The following CADM2 variants were observed in gnomAD, a reference collection of about 807,000 sequenced individuals.
The protein encoded by CADM2 is immunoglobulin superfamily member 4D.
Under a neutral mutation model 49.8 loss-of-function variants are expected in CADM2, and 12 were observed. That is an observed-to-expected ratio of 0.24 (90% CI 0.15 to 0.39). The LOEUF is 0.39. Ranked by LOEUF, CADM2 falls within the 10% of genes least tolerant of loss-of-function variation. CADM2 has a pLI of 1.00. For synonymous variants in CADM2, 214 were observed against 175.4 expected (o/e 1.22, Z -1.74); for missense variants, 378 against 492.3 (o/e 0.77, Z 2.20).
chr3:84,973,096 A>T (rs990876000), intron 1 of CADM2, among the ~76,000 whole-genome samples: 1 of 152,126 alleles, frequency 6.6e-6, no homozygotes, highest in African/African-American at 2.4e-5. Flanking sequence ...TATTTTTAGT[A>T]GAGACAGCAT....
At chr3:85,605,592 G>A (rs1483300203) in intron 1 of CADM2, among the ~76,000 whole-genome samples, 3 of 152,030 alleles carry the variant, frequency 2.0e-5, no homozygotes, top group Non-Finnish European at 4.4e-5. Flanking sequence ...CTATGTTCCT[G>A]TGCTGCCTCC....
At position 86,066,929 on chromosome 3, in the gene CADM2, A is replaced by G. The variant is rs1739402494; in HGVS notation, c.*146A>G. ...CTATCAGTAGCCAGTGTATACCAAC[A>G]ATCAGCTGTTGAAAGCATCATTCTT... On this transcript the variant is annotated 3_prime_UTR_variant, in exon 10 of 10. Coordinates refer to ENST00000383699, the MANE Select transcript of CADM2 (RefSeq NM_001167675.2). 1.5e-6 allele frequency: 1 copy of G among 650,838 alleles called. No individual in the cohort carries two copies. The highest frequency in any genetic ancestry group is 2.6e-5 in the East Asian group (1 of 38,812). 40.3% of individuals were successfully genotyped at this position (650,838 alleles called of 1,614,324 possible).
At chr3:85,544,675 G>A (rs924037822) in intron 1 of CADM2, among the ~76,000 whole-genome samples, 14 of 152,292 alleles carry the variant, frequency 9.2e-5, no homozygotes, top group Non-Finnish European at 1.9e-4. Flanking sequence ...CATCAAAGAA[G>A]ATGCAACGAA....
intron 1 of CADM2, among the ~76,000 whole-genome samples, chr3:85,214,691 C>T (rs911816486): frequency 7.2e-5 from 11 of 151,976 alleles, no homozygotes; most frequent in Non-Finnish European, 1.3e-4. Context: ...CCCACTCTTC[C>T]CTCACCTTTC....
chr3:85,963,148 ATCTC>A (rs1188096126), intron 8 of CADM2, among the ~76,000 whole-genome samples: 5 of 151,960 alleles, frequency 3.3e-5, no homozygotes, highest in African/African-American at 1.2e-4. Flanking sequence ...ATTGTATAAA[ATCTC>A]TCAGTACTTA....
intron 1 of CADM2, among the ~76,000 whole-genome samples, chr3:85,286,200 C>T (rs931126585): frequency 1.3e-5 from 2 of 152,106 alleles, no homozygotes; most frequent in East Asian, 3.9e-4. Context: ...GGGACCGGAG[C>T]TGATCTAGCT....
At chr3:85,653,214 T>C (rs920960557) in intron 1 of CADM2, among the ~76,000 whole-genome samples, 27 of 150,794 alleles carry the variant, frequency 1.8e-4, no homozygotes, top group African/African-American at 6.1e-4. Context: ...AATATTAGGA[T>C]AATTACATAA....
At chr3:85,063,672 A>T (rs1161724405) in intron 1 of CADM2, among the ~76,000 whole-genome samples, 1 of 152,066 alleles carries the variant, frequency 6.6e-6, no homozygotes, top group Non-Finnish European at 1.5e-5. Flanking sequence ...TGCCCTCCAG[A>T]TAATGGGAAT....
intron 1 of CADM2, among the ~76,000 whole-genome samples, chr3:85,559,655 AAC>A (rs144677158): frequency 0.019 from 2,143 of 110,974 alleles, 43 homozygotes; most frequent in African/African-American, 0.057. Context: ...ATTTAAAAGA[AAC>A]ACACACACAC....
chr3:85,765,847 T>C (rs890711158), intron 2 of CADM2, among the ~76,000 whole-genome samples: 9 of 152,116 alleles, frequency 5.9e-5, no homozygotes, highest in African/African-American at 2.2e-4. Flanking sequence ...GTTTTTGTTT[T>C]GTTTACTCAT....
At chr3:86,061,757 C>A (rs929824598) in intron 8 of CADM2, among the ~76,000 whole-genome samples, 1 of 151,786 alleles carries the variant, frequency 6.6e-6, no homozygotes, top group African/African-American at 2.4e-5. Flanking sequence ...GCTGTTAAAG[C>A]AAAATTTAAA....
chr3:85,895,203 C>A (rs1272936743), intron 5 of CADM2, among the ~76,000 whole-genome samples: 1 of 152,154 alleles, frequency 6.6e-6, no homozygotes, highest in Non-Finnish European at 1.5e-5. Context: ...CTGCCTAAGG[C>A]CATGGAAGCC....
intron 7 of CADM2, among the ~76,000 whole-genome samples, chr3:85,937,173 CAT>C (rs1238679820): frequency 2.6e-5 from 4 of 151,862 alleles, no homozygotes; most frequent in Admixed American, 2.6e-4. Flanking sequence ...TTAAGTAGTT[CAT>C]ATAACTCATC....
intron 3 of CADM2, among the ~76,000 whole-genome samples, chr3:85,862,064 TC>T (rs1203581166): frequency 2.6e-5 from 4 of 152,126 alleles, no homozygotes; most frequent in African/African-American, 9.7e-5. Flanking sequence ...TGTAAGTTAT[TC>T]TTGCTTCTCA....
rs926691731 is a variant in CADM2 at position 86,072,742 on chromosome 3, T to C, written c.*5959T>C. ...AATCATACGCAATAAAATATTGATG[T>C]TTGAAGGCAGTGGTCACCAATTGGT... On this transcript the variant is annotated 3_prime_UTR_variant, in exon 10 of 10. Transcript: ENST00000383699. 1.3e-5 allele frequency: 2 copies of C among 152,086 alleles called. No homozygotes were observed. Among genetic ancestry groups the C allele is most frequent in the African/African-American group, 4.8e-5 (2 of 41,438 alleles). The allele number at this position is 152,086 out of a possible 1,614,324, so 9.4% of individuals were successfully genotyped here.
chr3:85,574,042 C>G (rs1241221998), intron 1 of CADM2, among the ~76,000 whole-genome samples: 4 of 152,228 alleles, frequency 2.6e-5, no homozygotes, highest in African/African-American at 7.2e-5. Context: ...ATCTGTCTCT[C>G]TATGCCTCCT....
chr3:85,972,855 T>C (rs576759955), intron 8 of CADM2, among the ~76,000 whole-genome samples: 13 of 151,846 alleles, frequency 8.6e-5, no homozygotes, highest in African/African-American at 2.7e-4. Context: ...AATAACAAAA[T>C]GTGGTGGCAT....
intron 8 of CADM2, among the ~76,000 whole-genome samples, chr3:86,045,555 TTA>T (rs1736561585): frequency 6.6e-6 from 1 of 152,200 alleles, no homozygotes; most frequent in African/African-American, 2.4e-5. Flanking sequence ...AGATGTTCCT[TTA>T]AACCGCCCTT....
chr3:85,908,728 A>AT (rs63218162), intron 5 of CADM2, among the ~76,000 whole-genome samples: 7,011 of 140,580 alleles, frequency 0.05, 494 homozygotes, highest in African/African-American at 0.16. Context: ...TACGGTTATG[A>AT]TTTTTTTTTT....
Sources: gnomAD v4.1 joint callset for allele counts (sites outside exome capture counted in the v4.1 genomes callset) on GRCh38, gnomAD v4.1.1 for gene constraint, MANE v1.5 for transcripts, NCBI Gene and HGNC (gene_info 2026-07-23, HGNC 2026-07-21) for gene names.